ADCY6: variants seen among roughly 807,000 people sequenced by gnomAD.
ADCY6 encodes the protein adenylate cyclase type 6.
In ADCY6, 59 loss-of-function variants were observed where a neutral mutation model predicts 111.6. That is an observed-to-expected ratio of 0.53 (90% CI 0.43 to 0.66). ADCY6 has a LOEUF of 0.66. Ranked by LOEUF, ADCY6 falls within the 30% of genes least tolerant of loss-of-function variation. ADCY6 has a pLI of 0.00. For missense variants in ADCY6, 1,242 were observed against 1,595.6 expected (o/e 0.78, Z 3.78); for synonymous variants, 576 against 642.9 (o/e 0.90, Z 1.57).
At chr12:48,787,228 C>T (rs959125889) in intron 1 of ADCY6, among the ~76,000 whole-genome samples, 2 of 152,110 alleles carry the variant, frequency 1.3e-5, no homozygotes, top group East Asian at 3.9e-4. Context: ...AGTCCCCTTC[C>T]CTGTTCTTAT....
At chr12:48,786,491 T>C (rs1226252699) in intron 1 of ADCY6, among the ~76,000 whole-genome samples, 1 of 152,058 alleles carries the variant, frequency 6.6e-6, no homozygotes, top group South Asian at 2.1e-4. Context: ...GGCTTCCCCA[T>C]AGCTGAGATT....
At chr12:48,781,730 T>C (rs1218959613) in intron 2 of ADCY6, among the ~76,000 whole-genome samples, 2 of 152,150 alleles carry the variant, frequency 1.3e-5, no homozygotes, top group Non-Finnish European at 1.5e-5. Context: ...GAGGTGAGGC[T>C]AGTTGTCTAA....
Position 48,771,588 on chromosome 12 carries a change from C to T in ADCY6, c.3051+122G>A. ...TCTGCCTCCACTGTGCATACCCTTACCCCTGATGACTCTGGGTCCCATCAA... is the reference window on the plus strand; with the variant it reads ...TCTGCCTCCACTGTGCATACCCTTATCCCTGATGACTCTGGGTCCCATCAA... On this transcript the variant is annotated intron_variant, in intron 19 of 21. Coordinates refer to ENST00000357869, the MANE Select transcript of ADCY6 (RefSeq NM_015270.5). This position sits in a 1 kb window ranked among gnomAD's most constrained non-coding sequence, Gnocchi z 4.3. The T allele has an allele frequency of 1.3e-6, 2 of 1,491,868 alleles. No individual in the cohort carries two copies. The highest frequency in any genetic ancestry group is 1.8e-6 in the Non-Finnish European group (2 of 1,083,126). 92.4% of individuals were successfully genotyped at this position (1,491,868 alleles called of 1,614,324 possible). A position where few individuals can be genotyped will look rare whatever the true frequency, so the allele number is the denominator to read the frequency against.
intron 20 of ADCY6, among the ~76,000 whole-genome samples, chr12:48,770,146 T>C (rs1717755632): frequency 6.7e-6 from 1 of 148,828 alleles, no homozygotes; most frequent in African/African-American, 2.5e-5. Flanking sequence ...CCTCATGATC[T>C]GCCCACCTCG....
chr12:48,789,760 G>A (rs1194406413), upstream of ADCY6: 2 of 151,800 alleles, frequency 1.3e-5, no homozygotes, highest in East Asian at 2.0e-4. Context: ...CAGCGGCCCC[G>A]AGGCGAACCT....
chr12:48,768,264 G>A lies in ADCY6; in HGVS notation c.*327C>T. ...CAGGGAAGGGTAGGCATGGCAAGCTGCCATTTTAATCCCTCAGGCAAGAGG... is the reference window on the plus strand; with the variant it reads ...CAGGGAAGGGTAGGCATGGCAAGCTACCATTTTAATCCCTCAGGCAAGAGG... On this transcript the variant is annotated 3_prime_UTR_variant, in exon 22 of 22. Transcript: ENST00000357869. The A allele has an allele frequency of 4.9e-6, 2 of 405,240 alleles. No individual in the cohort carries two copies. Among genetic ancestry groups the A allele is most frequent in the East Asian group, 5.2e-5 (1 of 19,100 alleles). The allele number at this position is 405,240 out of a possible 1,614,324, so 25.1% of individuals were successfully genotyped here.
chr12:48,776,640 C>G lies in ADCY6; in HGVS notation c.1377-54G>C. The G allele has an allele frequency of 6.4e-7, 1 of 1,563,196 alleles. No individual in the cohort carries two copies. The highest frequency in any genetic ancestry group is 8.6e-7 in the Non-Finnish European group (1 of 1,158,920). On this transcript the variant is annotated intron_variant, in intron 6 of 21. Transcript: ENST00000357869. The surrounding 1 kb of genome is among the most constrained non-coding windows in gnomAD (Gnocchi z 6.1). ...CTGGCAGTCTTCCCCTCCCCCAGCCCACAACCCAGGCCCTTCACTCCTCTC... is the reference window on the plus strand; with the variant it reads ...CTGGCAGTCTTCCCCTCCCCCAGCCGACAACCCAGGCCCTTCACTCCTCTC...
chr12:48,781,202 A>G (rs951157380), intron 2 of ADCY6, among the ~76,000 whole-genome samples: 11 of 151,158 alleles, frequency 7.3e-5, no homozygotes, highest in Non-Finnish European at 1.2e-4. Context: ...TCCGTCTCAA[A>G]AAAAAAAAAA....
At chr12:48,787,501 C>A (rs957948957) in intron 1 of ADCY6, among the ~76,000 whole-genome samples, 1 of 152,208 alleles carries the variant, frequency 6.6e-6, no homozygotes, top group African/African-American at 2.4e-5. Flanking sequence ...ACTGCCCATC[C>A]CGCAGAACTT....
chr12:48,784,457 T>C (rs1941937179), intron 1 of ADCY6, among the ~76,000 whole-genome samples: 1 of 151,752 alleles, frequency 6.6e-6, no homozygotes, highest in Non-Finnish European at 1.5e-5. Flanking sequence ...TACTTGAAAA[T>C]TTCCCTAAAA....
At chr12:48,778,774 C>T (rs994259388) in intron 2 of ADCY6, among the ~76,000 whole-genome samples, 3 of 151,372 alleles carry the variant, frequency 2.0e-5, no homozygotes, top group Admixed American at 1.3e-4. Context: ...AACTTAGTAA[C>T]AATAATCACC....
In ADCY6 at chr12:48,782,475, T is replaced by C. The variant is rs1352436423; in HGVS notation, c.864+96A>G. 2.7e-6 allele frequency: 4 copies of C among 1,483,426 alleles called. No individual in the cohort carries two copies. Among genetic ancestry groups the C allele is most frequent in the Non-Finnish European group, 3.6e-6 (4 of 1,115,754 alleles). 91.9% of individuals were successfully genotyped at this position (1,483,426 alleles called of 1,614,324 possible). A position where few individuals can be genotyped will look rare whatever the true frequency, so the allele number is the denominator to read the frequency against. ...CATCCCTGCACCCAGCTTCCACCCATGACTCACCCGCCCTTCCTCACTAAG... is the reference window on the plus strand; with the variant it reads ...CATCCCTGCACCCAGCTTCCACCCACGACTCACCCGCCCTTCCTCACTAAG... On this transcript the variant is annotated intron_variant, in intron 2 of 21. Coordinates refer to ENST00000357869, the MANE Select transcript of ADCY6 (RefSeq NM_015270.5). The surrounding 1 kb of genome is among the most constrained non-coding windows in gnomAD (Gnocchi z 4.3).
intron 2 of ADCY6, among the ~76,000 whole-genome samples, chr12:48,779,714 C>T (rs530149439): frequency 6.6e-6 from 1 of 152,298 alleles, no homozygotes; most frequent in African/African-American, 2.4e-5. Flanking sequence ...CTTGCGGCTC[C>T]ACCCCAGAGT....
At chr12:48,789,850 C>T (rs1168993978), upstream of ADCY6, 2 of 152,088 alleles carry the variant, frequency 1.3e-5, no homozygotes, top group Non-Finnish European at 2.9e-5. Flanking sequence ...TCTGGGAGCC[C>T]CTCCCCCGCA....
chr12:48,771,514 A>T lies in ADCY6; in HGVS notation c.3051+196T>A, dbSNP rs1407362723. On this transcript the variant is annotated intron_variant, in intron 19 of 21. Transcript: ENST00000357869. This position sits in a 1 kb window ranked among gnomAD's most constrained non-coding sequence, Gnocchi z 4.3. ...TCCCCAACAGTGATGACCCTGCCCC[A>T]CTAGGGCTGACCCCCTTGCTGCCTC... is the stretch of plus-strand genomic sequence containing the variant. The T allele has an allele frequency of 2.4e-6, 2 of 832,136 alleles. No homozygotes were observed. The highest frequency in any genetic ancestry group is 5.3e-5 in the East Asian group (2 of 37,440). The allele number at this position is 832,136 out of a possible 1,614,324, so 51.5% of individuals were successfully genotyped here. A position where few individuals can be genotyped will look rare whatever the true frequency, so the allele number is the denominator to read the frequency against.
At chr12:48,775,901 G>C in intron 9 of ADCY6, 62 bp downstream of exon 9, 1 of 1,557,150 alleles carries the variant, frequency 6.4e-7, no homozygotes, top group South Asian at 1.2e-5. Context: ...ACAGGGTCAG[G>C]GACAGGGTAT....
chr12:48,785,295 T>C (rs966941198), intron 1 of ADCY6, among the ~76,000 whole-genome samples: 1 of 152,216 alleles, frequency 6.6e-6, no homozygotes, highest in Non-Finnish European at 1.5e-5. Context: ...TGCTCACTGC[T>C]GTATCCACAA....
intron 1 of ADCY6, among the ~76,000 whole-genome samples, chr12:48,784,631 T>A (rs1941941325): frequency 6.7e-6 from 1 of 149,856 alleles, no homozygotes. Context: ...CCCGATCTGA[T>A]TTTTCTCAAC....
chr12:48,772,373 C>G lies in ADCY6; in HGVS notation c.2709G>C (p.Leu903=). The G allele has an allele frequency of 6.2e-7, 1 of 1,614,180 alleles. No individual in the cohort carries two copies. The highest frequency in any genetic ancestry group is 1.7e-4 in the Middle Eastern group (1 of 6,060). The change falls in exon 18 of 22, where the codon CTG becomes CTC. Residue 903 remains leucine, a synonymous_variant. Coordinates refer to ENST00000357869, the MANE Select transcript of ADCY6 (RefSeq NM_015270.5). The part of the protein sequence containing the change: ...ALKYMTPVIL[L]VFALALYLHA... ...GCAGATACAGCGCCAGCGCAAACAC[C>G]AGCAGAATCACAGGGGTCATATATT...
Sources: allele counts gnomAD v4.1 joint callset (sites outside exome capture counted in the v4.1 genomes callset), GRCh38; gene constraint gnomAD v4.1.1; non-coding constraint Gnocchi (gnomAD v3.1); transcripts MANE v1.5; gene names NCBI Gene and HGNC (gene_info 2026-07-23, HGNC 2026-07-21).